Variants in MACROD2 observed in about 807,000 individuals in gnomAD.
MACROD2 encodes the protein ADP-ribose glycohydrolase MACROD2.
A neutral mutation model predicts 70.4 loss-of-function variants in MACROD2; 36 were observed. The ratio of observed to expected loss-of-function variants is 0.51; its 90% confidence interval spans 0.39 to 0.68. The LOEUF (loss-of-function observed/expected upper bound fraction) is 0.68, where lower values mean the gene tolerates loss of function less well. Ranked by LOEUF, MACROD2 falls within the 30% of genes least tolerant of loss-of-function variation. The probability of loss-of-function intolerance (pLI) is 0.00; values close to 1 mark genes in which losing one functional copy is unlikely to be tolerated. For synonymous variants in MACROD2, 172 were observed against 178.8 expected (o/e 0.96, Z 0.30); for missense variants, 496 against 538.4 (o/e 0.92, Z 0.78).
At chr20:15,084,692 TG>T (rs748387458) in intron 5 of MACROD2, among the ~76,000 whole-genome samples, 8 of 152,336 alleles carry the variant, frequency 5.3e-5, no homozygotes, top group Non-Finnish European at 1.2e-4. Context: ...ATTTTAGATG[TG>T]GAAAAAAGTT....
At chr20:15,211,337 A>C (rs971820203) in intron 5 of MACROD2, among the ~76,000 whole-genome samples, 1 of 152,180 alleles carries the variant, frequency 6.6e-6, no homozygotes, top group African/African-American at 2.4e-5. Flanking sequence ...TTATTCATTC[A>C]TCAGTTGATG....
intron 8 of MACROD2, among the ~76,000 whole-genome samples, chr20:15,663,533 G>A (rs902533970): frequency 6.6e-6 from 1 of 151,746 alleles, no homozygotes; most frequent in African/African-American, 2.4e-5. Context: ...ATCGTGCCTC[G>A]CCTGAATTTG....
intron 5 of MACROD2, among the ~76,000 whole-genome samples, chr20:14,799,631 T>C (rs1316800838): frequency 1.3e-5 from 2 of 152,104 alleles, no homozygotes. Flanking sequence ...TCTTTGTGTG[T>C]TTCCTTAGAA....
intron 5 of MACROD2, among the ~76,000 whole-genome samples, chr20:14,829,104 C>T (rs758512799): frequency 1.3e-5 from 2 of 151,252 alleles, no homozygotes; most frequent in Non-Finnish European, 1.5e-5. Context: ...CCTGCTCCCC[C>T]GCCCCACAGT....
intron 8 of MACROD2, among the ~76,000 whole-genome samples, chr20:15,803,643 C>T (rs1208800004): frequency 6.6e-6 from 1 of 152,130 alleles, no homozygotes; most frequent in African/African-American, 2.4e-5. Context: ...ATGCTATTGT[C>T]TCTACTGTTC....
intron 4 of MACROD2, chr20:14,631,988 G>A (rs1984539802): frequency 6.6e-6 from 1 of 151,836 alleles, no homozygotes; most frequent in Non-Finnish European, 1.5e-5. Flanking sequence ...AATAAGTGTG[G>A]TATTCATTTT....
At chr20:14,944,394 G>T (rs1321504607) in intron 5 of MACROD2, among the ~76,000 whole-genome samples, 2 of 152,142 alleles carry the variant, frequency 1.3e-5, no homozygotes, top group Non-Finnish European at 2.9e-5. Context: ...AGATGAAATT[G>T]TTCAAATGCT....
In MACROD2 at chr20:15,133,998, C is replaced by T. The variant is rs149011158; in HGVS notation, c.419-95942C>T. On this transcript the variant is annotated intron_variant, in intron 5 of 17. Transcript: ENST00000684519. The stretch of plus-strand genomic sequence containing the variant: ...TCTCAGCTCACTGCAAGCTCTGCCT[C>T]CCGGGTCACGCCATTCTCCTGCCTC... Among the ~76,000 whole-genome samples the T allele has an allele frequency of 7.6e-3, 1,114 of 147,438 alleles. 78 individuals are homozygous for T. In the East Asian group the frequency reaches 0.16, roughly 21 times the overall value.
intron 8 of MACROD2, among the ~76,000 whole-genome samples, chr20:15,606,955 T>A (rs2146700198): frequency 6.9e-6 from 1 of 145,584 alleles, no homozygotes; most frequent in South Asian, 2.2e-4. Context: ...TGAGCCAAGA[T>A]CGCACCATTG....
At chr20:15,393,328 T>G (rs2045817228) in intron 6 of MACROD2, among the ~76,000 whole-genome samples, 1 of 152,220 alleles carries the variant, frequency 6.6e-6, no homozygotes, top group African/African-American at 2.4e-5. Flanking sequence ...CTCTAAAATC[T>G]AACTCAACAT....
intron 3 of MACROD2, among the ~76,000 whole-genome samples, chr20:14,105,021 C>T (rs1455605354): frequency 6.6e-6 from 1 of 152,102 alleles, no homozygotes; most frequent in Admixed American, 6.6e-5. Flanking sequence ...GCTGGCTAAT[C>T]CTCATGTGCA....
intron 5 of MACROD2, among the ~76,000 whole-genome samples, chr20:14,970,817 A>G (rs1178067824): frequency 6.6e-6 from 1 of 151,968 alleles, no homozygotes; most frequent in Non-Finnish European, 1.5e-5. Flanking sequence ...AGGTCTCACT[A>G]TGTTGTCCAG....
At chr20:14,749,171 A>G (rs1274350625) in intron 5 of MACROD2, among the ~76,000 whole-genome samples, 1 of 152,128 alleles carries the variant, frequency 6.6e-6, no homozygotes, top group Non-Finnish European at 1.5e-5. Context: ...AAATTGCCGT[A>G]TAACCCATGC....
At chr20:15,372,236 A>C (rs2146263676) in intron 6 of MACROD2, among the ~76,000 whole-genome samples, 1 of 152,340 alleles carries the variant, frequency 6.6e-6, no homozygotes, top group Non-Finnish European at 1.5e-5. Context: ...GAATGTAACT[A>C]AAAGTGTACT....
intron 1 of MACROD2, among the ~76,000 whole-genome samples, chr20:13,996,992 CAG>C (rs2052669709): frequency 6.6e-6 from 1 of 151,956 alleles, no homozygotes; most frequent in African/African-American, 2.4e-5. Flanking sequence ...GAAGGCAAAA[CAG>C]TGGAGGTAAG....
intron 5 of MACROD2, among the ~76,000 whole-genome samples, chr20:15,101,572 C>G (rs2075873370): frequency 8.1e-6 from 1 of 122,766 alleles, no homozygotes; most frequent in Non-Finnish European, 1.6e-5. Flanking sequence ...ATTGACAGCA[C>G]TAAACATTTT....
intron 9 of MACROD2, among the ~76,000 whole-genome samples, chr20:15,875,936 A>G (rs1045948012): frequency 1.3e-5 from 2 of 151,780 alleles, no homozygotes; most frequent in Admixed American, 6.6e-5. Context: ...GGGGAAAAAA[A>G]AGTCTTTTTA....
intron 4 of MACROD2, among the ~76,000 whole-genome samples, chr20:14,663,125 A>G (rs944236111): frequency 2.6e-5 from 4 of 152,130 alleles, no homozygotes; most frequent in African/African-American, 7.2e-5. Context: ...AATGTGGTAT[A>G]TATATACCAT....
intron 3 of MACROD2, among the ~76,000 whole-genome samples, chr20:14,214,799 T>A (rs2081601785): frequency 6.6e-6 from 1 of 151,926 alleles, no homozygotes; most frequent in African/African-American, 2.4e-5. Context: ...GCATCATTCT[T>A]ATGCTTTTGT....
Sources: allele counts gnomAD v4.1 joint callset (sites outside exome capture counted in the v4.1 genomes callset), GRCh38; gene constraint gnomAD v4.1.1; transcripts MANE v1.5; gene names NCBI Gene and HGNC (gene_info 2026-07-23, HGNC 2026-07-21).